COL5A2: variants seen among roughly 807,000 people sequenced by gnomAD.
The protein encoded by COL5A2 is collagen type V alpha 2 chain, also known as collagen alpha-2(V) chain.
In COL5A2, 23 loss-of-function variants were observed where a neutral mutation model predicts 208.2. The observed-to-expected ratio is 0.11, with a 90% confidence interval of 0.08 to 0.16. The LOEUF (loss-of-function observed/expected upper bound fraction) is 0.16. Among genes scored for constraint, COL5A2 ranks in the 10% least tolerant of loss-of-function variants. The pLI is 1.00. For synonymous variants in COL5A2, 625 were observed against 628.5 expected, an observed-to-expected ratio of 0.99 and a Z score of 0.08; for missense variants, 1,590 against 1,956.4, an observed-to-expected ratio of 0.81 and a Z score of 3.53.
intron 35 of COL5A2, among the ~76,000 whole-genome samples, chr2:189,055,585 G>A (rs1160411584): frequency 1.3e-5 from 2 of 152,128 alleles, no homozygotes; most frequent in African/African-American, 4.8e-5. Context: ...AATAATTTAT[G>A]TAATATACTT....
At chr2:189,264,964 G>A in the COL5A2 span, among the ~76,000 whole-genome samples, 4 of 152,114 alleles carry the variant, frequency 2.6e-5, no homozygotes, top group African/African-American at 4.8e-5. Flanking sequence ...CAGTGGTATC[G>A]AGGAATATGT....
chr2:189,064,497 C>T, intron 25 of COL5A2, 60 bp downstream of exon 25: 1 of 1,164,118 alleles, frequency 8.6e-7, no homozygotes, highest in Non-Finnish European at 1.3e-6. Context: ...AAAACCCGAC[C>T]AATGCATGCT....
intron 1 of COL5A2, among the ~76,000 whole-genome samples, chr2:189,165,441 T>C (rs927448114): frequency 4.6e-5 from 7 of 152,232 alleles, no homozygotes; most frequent in African/African-American, 9.6e-5. Flanking sequence ...TGCTCCCTTA[T>C]CCTTCCTCCT....
chr2:189,150,918 T>A (rs1404624810), intron 1 of COL5A2, among the ~76,000 whole-genome samples: 5 of 152,240 alleles, frequency 3.3e-5, no homozygotes, highest in African/African-American at 1.2e-4. Flanking sequence ...CCCATTGTAT[T>A]CTCAGTTAGG....
chr2:189,193,104 G>A (rs1688951198), intron 1 of COL5A2, among the ~76,000 whole-genome samples: 1 of 152,192 alleles, frequency 6.6e-6, no homozygotes, highest in African/African-American at 2.4e-5. Flanking sequence ...GGATTTCTCA[G>A]CCTCAAGAAC....
At chr2:189,186,907 G>T (rs1410633367) in intron 1 of COL5A2, among the ~76,000 whole-genome samples, 1 of 151,852 alleles carries the variant, frequency 6.6e-6, no homozygotes, top group Admixed American at 6.6e-5. Context: ...TTTTGTATTA[G>T]AAATTTTTAC....
At chr2:189,113,517 A>G (rs1220661287) in intron 1 of COL5A2, among the ~76,000 whole-genome samples, 5 of 150,742 alleles carry the variant, frequency 3.3e-5, no homozygotes, top group Non-Finnish European at 5.9e-5. Flanking sequence ...TATATATTAT[A>G]TATGTTACAC....
the COL5A2 span, among the ~76,000 whole-genome samples, chr2:189,315,583 C>A: frequency 6.6e-6 from 1 of 151,926 alleles, no homozygotes; most frequent in Non-Finnish European, 1.5e-5. Context: ...CTGGCCAGGA[C>A]AATTGGGCAA....
the COL5A2 span, among the ~76,000 whole-genome samples, chr2:189,263,069 T>C: frequency 6.6e-6 from 1 of 152,146 alleles, no homozygotes; most frequent in East Asian, 1.9e-4. Context: ...ATTGAATGAC[T>C]GGCAAGACCT....
At chr2:189,039,199 T>G in intron 51 of COL5A2, 73 bp downstream of exon 51, 1 of 1,536,420 alleles carries the variant, frequency 6.5e-7, no homozygotes, top group South Asian at 1.1e-5. Flanking sequence ...GTCAGTAACA[T>G]ATTTTGGAAT....
chr2:189,198,302 C>T (rs1293281850), intron 1 of COL5A2, among the ~76,000 whole-genome samples: 1 of 152,098 alleles, frequency 6.6e-6, no homozygotes, highest in African/African-American at 2.4e-5. Context: ...AAGTACAGAA[C>T]CTAATCTGGC....
intron 16 of COL5A2, among the ~76,000 whole-genome samples, chr2:189,077,242 A>T (rs1390110806): frequency 6.6e-6 from 1 of 152,104 alleles, no homozygotes; most frequent in Non-Finnish European, 1.5e-5. Flanking sequence ...CCACACCAAT[A>T]ACTAACACTA....
At chr2:189,197,697 T>C (rs2105853003) in intron 1 of COL5A2, among the ~76,000 whole-genome samples, 1 of 151,916 alleles carries the variant, frequency 6.6e-6, no homozygotes, top group South Asian at 2.1e-4. Context: ...TAGCCAACTG[T>C]GAGAAATTCC....
the COL5A2 span, among the ~76,000 whole-genome samples, chr2:189,408,216 A>C: frequency 6.6e-6 from 1 of 152,194 alleles, no homozygotes; most frequent in Non-Finnish European, 1.5e-5. Context: ...TATGAATACA[A>C]AACTTCAGTA....
chr2:189,419,913 GAGA>G, the COL5A2 span, among the ~76,000 whole-genome samples: 1 of 140,202 alleles, frequency 7.1e-6, no homozygotes, highest in Non-Finnish European at 1.6e-5. Flanking sequence ...AGAGGAGGAG[GAGA>G]AGAAGGAGAG....
At chr2:189,404,033 G>C in the COL5A2 span, among the ~76,000 whole-genome samples, 1 of 152,106 alleles carries the variant, frequency 6.6e-6, no homozygotes, top group East Asian at 1.9e-4. Context: ...GCCAGGCCCA[G>C]CTCTTCTTTT....
chr2:189,042,361 T>C (rs894843450), intron 49 of COL5A2, among the ~76,000 whole-genome samples: 15 of 152,134 alleles, frequency 9.9e-5, no homozygotes, highest in African/African-American at 3.6e-4. Context: ...AAAGACAAAA[T>C]ATATTTAGCT....
the COL5A2 span, among the ~76,000 whole-genome samples, chr2:189,255,780 G>T: frequency 6.6e-6 from 1 of 152,088 alleles, no homozygotes; most frequent in African/African-American, 2.4e-5. Context: ...GAACTAAAGT[G>T]AATTATAAAC....
At chr2:189,207,387 C>A (rs945490813) in intron 1 of COL5A2, among the ~76,000 whole-genome samples, 1 of 152,098 alleles carries the variant, frequency 6.6e-6, no homozygotes, top group African/African-American at 2.4e-5. Flanking sequence ...AATATTTTAG[C>A]TTCCATTCTA....
Sources: gnomAD v4.1 joint callset for allele counts (sites outside exome capture counted in the v4.1 genomes callset) on GRCh38, gnomAD v4.1.1 for gene constraint, MANE v1.5 for transcripts, NCBI Gene and HGNC (gene_info 2026-07-23, HGNC 2026-07-21) for gene names.